CUL1: variants seen among roughly 807,000 people sequenced by gnomAD.
CUL1 encodes cullin 1.
In CUL1, 24 loss-of-function variants were observed where a neutral mutation model predicts 118.0. The ratio of observed to expected loss-of-function variants is 0.20; its 90% CI spans 0.15 to 0.29. The LOEUF (loss-of-function observed/expected upper bound fraction) is 0.29. CUL1 is among the 10% of genes least tolerant of loss of function. CUL1 has a pLI of 1.00. For missense variants in CUL1, 361 were observed against 933.8 expected (o/e 0.39, Z 7.99); for synonymous variants, 332 against 340.4 (o/e 0.98, Z 0.27).
chr7:148,766,585 C>A lies in CUL1; in HGVS notation c.814C>A (p.Gln272Lys), dbSNP rs1230503242. ...GGCAGAGGCTCGTCTGCTTGAGGAA[C>A]AACGAAGAGTTCAGGTTTACCTTCA... Reference protein sequence around the residue: ...KKAEARLLEEQRRVQVYLHES... With the variant: ...KKAEARLLEEKRRVQVYLHES... The change falls in exon 8 of 22, where the codon CAA becomes AAA. Residue 272 changes from glutamine to lysine, a missense_variant. This residue lies in a region of CUL1 where 169 missense variants were observed against 429.7 expected (regional missense o/e 0.39). Transcript: ENST00000325222. 1 of 1,609,798 alleles carries A rather than the reference C, an allele frequency of 6.2e-7. No homozygotes were observed. The highest frequency in any genetic ancestry group is 8.5e-7 in the Non-Finnish European group (1 of 1,178,612).
chr7:148,769,557 T>C (rs1800141569), intron 9 of CUL1, among the ~76,000 whole-genome samples: 1 of 152,104 alleles, frequency 6.6e-6, no homozygotes, highest in Admixed American at 6.5e-5. Flanking sequence ...TTTACCTATA[T>C]GGGCAGCAGA....
chr7:148,699,770 T>C (rs1415444196), intron 1 of CUL1, among the ~76,000 whole-genome samples: 2 of 151,932 alleles, frequency 1.3e-5, no homozygotes, highest in African/African-American at 4.8e-5. Flanking sequence ...CGCCCGCCTA[T>C]CGCTCGCTAG....
intron 2 of CUL1, among the ~76,000 whole-genome samples, chr7:148,748,155 C>G (rs1023960703): frequency 4.6e-5 from 7 of 151,954 alleles, no homozygotes; most frequent in African/African-American, 1.7e-4. Context: ...AACATAGAAA[C>G]AGAGTTAAAA....
At chr7:148,720,502 A>C (rs1257470820) in intron 1 of CUL1, among the ~76,000 whole-genome samples, 4 of 152,056 alleles carry the variant, frequency 2.6e-5, no homozygotes, top group African/African-American at 9.7e-5. Flanking sequence ...GCTAAGCATG[A>C]CCCTCAGTTG....
Position 148,751,372 on chromosome 7 carries a change from A to C in CUL1, c.141-2604A>C, listed in dbSNP as rs569921526. ...AGACCAACCTGACCAATATGGTGAA[A>C]CCCTGTCTCTACTAAAAATACAAAA... On this transcript the variant is annotated intron_variant, in intron 2 of 21. Coordinates refer to ENST00000325222, the MANE Select transcript of CUL1 (RefSeq NM_003592.3). 5.3e-5 allele frequency among the ~76,000 whole-genome samples: 8 copies of C among 151,964 alleles called. No homozygotes were observed. In the South Asian group the frequency reaches 8.3e-4, roughly 16 times the overall value.
At chr7:148,718,183 T>A (rs1203012015) in intron 1 of CUL1, among the ~76,000 whole-genome samples, 1 of 152,262 alleles carries the variant, frequency 6.6e-6, no homozygotes, top group Non-Finnish European at 1.5e-5. Context: ...ACAGCTAGCA[T>A]GCTTTAAGTC....
intron 2 of CUL1, among the ~76,000 whole-genome samples, chr7:148,737,099 A>G (rs1046461569): frequency 6.6e-6 from 1 of 152,222 alleles, no homozygotes; most frequent in Admixed American, 6.5e-5. Flanking sequence ...ACCTGGTACT[A>G]TTAAAATCAT....
At chr7:148,760,820 C>T (rs1432686980) in intron 7 of CUL1, among the ~76,000 whole-genome samples, 5 of 152,086 alleles carry the variant, frequency 3.3e-5, no homozygotes, top group African/African-American at 1.2e-4. Context: ...TTTTAAGAAA[C>T]AAATATTTTC....
chr7:148,799,211 T>G, intron 20 of CUL1, 64 bp from the exon 21 acceptor site: 2 of 1,284,730 alleles, frequency 1.6e-6, no homozygotes, highest in Non-Finnish European at 2.3e-6. Flanking sequence ...AGCTTGTCCT[T>G]AACTATCAAT....
chr7:148,707,111 C>T (rs1381955510), intron 1 of CUL1, among the ~76,000 whole-genome samples: 1 of 152,112 alleles, frequency 6.6e-6, no homozygotes, highest in Non-Finnish European at 1.5e-5. Flanking sequence ...GAAGAAAACT[C>T]CCCTACCATA....
intron 2 of CUL1, among the ~76,000 whole-genome samples, chr7:148,737,183 C>T (rs1380521306): frequency 6.6e-6 from 1 of 150,972 alleles, no homozygotes; most frequent in East Asian, 1.9e-4. Flanking sequence ...GTACTTGTCA[C>T]AAGTGATTTT....
intron 18 of CUL1, 23 bp downstream of exon 18, chr7:148,797,882 T>TA (rs1186653093): frequency 1.2e-6 from 2 of 1,612,230 alleles, no homozygotes; most frequent in Non-Finnish European, 1.7e-6. Flanking sequence ...CCTTTTATCT[T>TA]ACACTAGAAG....
intron 1 of CUL1, among the ~76,000 whole-genome samples, chr7:148,727,240 T>C (rs1393008689): frequency 6.6e-6 from 1 of 152,100 alleles, no homozygotes; most frequent in Non-Finnish European, 1.5e-5. Context: ...ACCAAAATAA[T>C]ACAAAACATG....
intron 1 of CUL1, among the ~76,000 whole-genome samples, chr7:148,719,623 T>C (rs1332987670): frequency 6.6e-6 from 1 of 152,194 alleles, no homozygotes; most frequent in Non-Finnish European, 1.5e-5. Flanking sequence ...GTTAAAGAAT[T>C]TTCTTGATTA....
At chr7:148,722,807 C>T (rs1484353692) in intron 1 of CUL1, among the ~76,000 whole-genome samples, 5 of 152,252 alleles carry the variant, frequency 3.3e-5, no homozygotes, top group African/African-American at 1.2e-4. Context: ...GCTGAGCCTT[C>T]CCAGCTGGAC....
chr7:148,764,389 T>C (rs1799936396), intron 7 of CUL1, among the ~76,000 whole-genome samples: 1 of 152,266 alleles, frequency 6.6e-6, no homozygotes. Flanking sequence ...CTTGCCAATA[T>C]ATAAAATAAG....
intron 1 of CUL1, among the ~76,000 whole-genome samples, chr7:148,728,221 G>A (rs887809961): frequency 6.6e-6 from 1 of 152,124 alleles, no homozygotes; most frequent in Non-Finnish European, 1.5e-5. Context: ...TCGCTGACAC[G>A]GACAACACTG....
chr7:148,699,352 G>C (rs1304231079), intron 1 of CUL1, among the ~76,000 whole-genome samples: 1 of 151,996 alleles, frequency 6.6e-6, no homozygotes, highest in Non-Finnish European at 1.5e-5. Flanking sequence ...TGGTGGCGCC[G>C]GCCCCTTTCC....
chr7:148,708,460 CA>C (rs777215587), intron 1 of CUL1, among the ~76,000 whole-genome samples: 73 of 152,250 alleles, frequency 4.8e-4, no homozygotes, highest in Non-Finnish European at 6.8e-4. Context: ...GCCCCGCTGT[CA>C]CCAGCTTCAT....
Sources: gnomAD v4.1 joint callset for allele counts (sites outside exome capture counted in the v4.1 genomes callset) on GRCh38, gnomAD v4.1.1 for gene constraint, gnomAD v4.1.1 regional missense constraint, MANE v1.5 for transcripts, NCBI Gene and HGNC (gene_info 2026-07-23, HGNC 2026-07-21) for gene names.